PTPRM: variants seen among roughly 807,000 people sequenced by gnomAD.
PTPRM encodes the protein protein tyrosine phosphatase receptor type M.
Under a neutral mutation model 186.7 loss-of-function variants are expected in PTPRM, and 47 were observed. The observed-to-expected ratio is 0.25, with a 90% CI of 0.20 to 0.32. The LOEUF is 0.32. Ranked by LOEUF, PTPRM falls within the 10% of genes least tolerant of loss-of-function variation. PTPRM has a pLI of 1.00. For synonymous variants in PTPRM, 668 were observed against 674.9 expected (o/e 0.99, Z 0.16); for missense variants, 1,494 against 1,865.0 (o/e 0.80, Z 3.66).
At chr18:8,143,593 T>A in intron 13 of PTPRM, 54 bp from the exon 14 acceptor site, 3 of 1,529,122 alleles carry the variant, frequency 2.0e-6, no homozygotes, top group Non-Finnish European at 2.7e-6. Flanking sequence ...AACTGTGGCA[T>A]CTTTATTCTC....
At chr18:7,790,847 C>T (rs2043305083) in intron 2 of PTPRM, among the ~76,000 whole-genome samples, 1 of 151,814 alleles carries the variant, frequency 6.6e-6, no homozygotes, top group Admixed American at 6.6e-5. Context: ...GGAAGGTAAC[C>T]TTCCGAGGTA....
At chr18:8,110,521 G>C (rs964284514) in intron 11 of PTPRM, among the ~76,000 whole-genome samples, 4 of 152,152 alleles carry the variant, frequency 2.6e-5, no homozygotes, top group African/African-American at 9.7e-5. Flanking sequence ...GAAAGTCTAG[G>C]AGCAGCTGTG....
intron 20 of PTPRM, among the ~76,000 whole-genome samples, chr18:8,311,974 G>C (rs114431716): frequency 3.2e-4 from 49 of 152,254 alleles, no homozygotes; most frequent in African/African-American, 1.2e-3. Context: ...ATCTGACGAG[G>C]GGGTACAACA....
intron 5 of PTPRM, among the ~76,000 whole-genome samples, chr18:7,944,703 G>A (rs1229938930): frequency 2.0e-5 from 3 of 151,986 alleles, no homozygotes; most frequent in Admixed American, 2.0e-4. Context: ...TTCCCCCATA[G>A]CTACCCTATA....
intron 7 of PTPRM, among the ~76,000 whole-genome samples, chr18:8,016,012 T>C (rs59077201): frequency 0.043 from 6,514 of 152,234 alleles, 449 homozygotes; most frequent in African/African-American, 0.15. Context: ...AGGATCCTTC[T>C]TCCTGTGTAA....
Position 8,156,402 on chromosome 18 carries a change from A to C in PTPRM, c.2300+12623A>C, listed in dbSNP as rs551237047. On this transcript the variant is annotated intron_variant, in intron 14 of 32. Transcript: ENST00000580170. ...CAACTCTTTACTTTGTGGCACTGTA[A>C]ATTTAAATGAGTTACTTAACACCTC... 3.9e-5 allele frequency among the ~76,000 whole-genome samples: 6 copies of C among 152,304 alleles called. No homozygotes were observed. The East Asian group carries it at 1.2e-3, about 29-fold the overall frequency.
intron 14 of PTPRM, among the ~76,000 whole-genome samples, chr18:8,162,930 G>A (rs369979988): frequency 6.6e-6 from 1 of 152,180 alleles, no homozygotes; most frequent in African/African-American, 2.4e-5. Flanking sequence ...ATGCTCTGCT[G>A]CTTCTCCAAA....
intron 9 of PTPRM, 89 bp downstream of exon 9, chr18:8,076,653 A>G (rs1322857392): frequency 1.6e-6 from 1 of 628,212 alleles, no homozygotes; most frequent in Non-Finnish European, 2.7e-6. Context: ...ATGCATACTT[A>G]CATAATATAT....
chr18:7,973,523 A>G (rs1450635425), intron 7 of PTPRM, among the ~76,000 whole-genome samples: 1 of 152,044 alleles, frequency 6.6e-6, no homozygotes, highest in Admixed American at 6.6e-5. Flanking sequence ...CAAATTGTCC[A>G]TTTCTGTCCT....
chr18:7,817,140 A>G (rs745508660), intron 2 of PTPRM, among the ~76,000 whole-genome samples: 6 of 151,796 alleles, frequency 4.0e-5, no homozygotes, highest in African/African-American at 9.7e-5. Context: ...ATGCCTGGCT[A>G]ATTTTTGTAT....
chr18:8,261,622 G>T (rs1327739027), intron 19 of PTPRM, among the ~76,000 whole-genome samples: 2 of 152,144 alleles, frequency 1.3e-5, no homozygotes, highest in Admixed American at 1.3e-4. Flanking sequence ...CAGTCCGCCT[G>T]CTTTCGGGGC....
intron 9 of PTPRM, among the ~76,000 whole-genome samples, chr18:8,084,124 G>A (rs1340836931): frequency 1.3e-5 from 2 of 152,094 alleles, no homozygotes; most frequent in African/African-American, 2.4e-5. Context: ...ACCTCCTTCG[G>A]GGAAGGTACG....
chr18:7,982,571 GTATAT>G (rs1435028490), intron 7 of PTPRM, among the ~76,000 whole-genome samples: 2 of 151,432 alleles, frequency 1.3e-5, no homozygotes, highest in Non-Finnish European at 2.9e-5. Context: ...TATTAAAAAA[GTATAT>G]TATAGTAAAA....
intron 7 of PTPRM, among the ~76,000 whole-genome samples, chr18:7,972,650 C>T (rs1053470784): frequency 1.9e-4 from 29 of 151,644 alleles, no homozygotes; most frequent in Non-Finnish European, 4.0e-4. Context: ...CTATAATGCT[C>T]CTAATTTGAG....
chr18:8,047,351 C>T (rs2148226461), intron 7 of PTPRM, among the ~76,000 whole-genome samples: 1 of 152,204 alleles, frequency 6.6e-6, no homozygotes, highest in South Asian at 2.1e-4. Context: ...ATATGCACAT[C>T]AAACTGTGAT....
chr18:8,379,630 T>C (rs2095718917), intron 28 of PTPRM, among the ~76,000 whole-genome samples: 1 of 152,286 alleles, frequency 6.6e-6, no homozygotes, highest in African/African-American at 2.4e-5. Flanking sequence ...GGGGACACCA[T>C]GGCAGGAAAA....
chr18:8,033,221 T>C (rs1321165295), intron 7 of PTPRM, among the ~76,000 whole-genome samples: 1 of 152,170 alleles, frequency 6.6e-6, no homozygotes, highest in Non-Finnish European at 1.5e-5. Flanking sequence ...CAAAGGATTA[T>C]AACAGGCAAT....
In PTPRM at chr18:7,642,053, G is replaced by A. The variant is rs376086086; in HGVS notation, c.73+74162G>A. On this transcript the variant is annotated intron_variant, in intron 1 of 32. Transcript: ENST00000580170. Reference sequence around the variant, plus strand: ...ACCACTCTGTGTTCTACCTGCTTCCGTGGCAGACCTTGTCCCAAATATTTC... The same window carrying A: ...ACCACTCTGTGTTCTACCTGCTTCCATGGCAGACCTTGTCCCAAATATTTC... Among the ~76,000 whole-genome samples the A allele has an allele frequency of 5.3e-4, 81 of 152,278 alleles. 1 individual carries two copies. The highest frequency in any genetic ancestry group is 1.8e-3 in the African/African-American group (75 of 41,552).
chr18:8,303,666 G>GCT (rs1342789300), intron 20 of PTPRM, among the ~76,000 whole-genome samples: 1 of 152,032 alleles, frequency 6.6e-6, no homozygotes, highest in African/African-American at 2.4e-5. Context: ...TCTGACACAG[G>GCT]GATTAGTCAG....
Sources: gnomAD v4.1 joint callset for allele counts (sites outside exome capture counted in the v4.1 genomes callset) on GRCh38, gnomAD v4.1.1 for gene constraint, MANE v1.5 for transcripts, NCBI Gene and HGNC (gene_info 2026-07-23, HGNC 2026-07-21) for gene names.